NRG3: variants seen among roughly 807,000 people sequenced by gnomAD.
NRG3 encodes neuregulin 3.
Under a neutral mutation model 66.9 loss-of-function variants are expected in NRG3, and 31 were observed. The ratio of observed to expected loss-of-function variants is 0.46; its 90% CI spans 0.35 to 0.63. The LOEUF (loss-of-function observed/expected upper bound fraction) is 0.63. Among genes scored for constraint, NRG3 ranks in the 20% least tolerant of loss-of-function variants. The pLI is 0.00. For missense variants in NRG3, 910 were observed against 878.9 expected, an observed-to-expected ratio of 1.04 and a Z score of -0.45; for synonymous variants, 393 against 359.4, an observed-to-expected ratio of 1.09 and a Z score of -1.06.
chr10:82,847,968 T>G (rs941385315), intron 3 of NRG3, among the ~76,000 whole-genome samples: 2 of 152,198 alleles, frequency 1.3e-5, no homozygotes, highest in Admixed American at 6.5e-5. Context: ...TTGCGAGATA[T>G]CAGAGAAACA....
intron 1 of NRG3, among the ~76,000 whole-genome samples, chr10:82,110,705 AAC>A (rs2067334772): frequency 6.6e-6 from 1 of 152,076 alleles, no homozygotes; most frequent in East Asian, 1.9e-4. Context: ...CTCCAGGGAG[AAC>A]AGTGTGGGGA....
At chr10:82,745,698 A>G (rs1274496320) in intron 3 of NRG3, among the ~76,000 whole-genome samples, 1 of 152,126 alleles carries the variant, frequency 6.6e-6, no homozygotes, top group Non-Finnish European at 1.5e-5. Flanking sequence ...TTTAAATTAT[A>G]TAGACACCAA....
intron 4 of NRG3, among the ~76,000 whole-genome samples, chr10:82,950,225 A>G (rs1344102447): frequency 6.6e-6 from 1 of 152,178 alleles, no homozygotes; most frequent in African/African-American, 2.4e-5. Context: ...ATGTATATAG[A>G]TGCAATTAAT....
At chr10:82,964,344 T>C (rs1850988028) in intron 6 of NRG3, among the ~76,000 whole-genome samples, 1 of 152,154 alleles carries the variant, frequency 6.6e-6, no homozygotes, top group Non-Finnish European at 1.5e-5. Context: ...GGGGAGTTCA[T>C]ATCAGACCAA....
intron 3 of NRG3, among the ~76,000 whole-genome samples, chr10:82,829,324 A>T (rs756197523): frequency 4.6e-5 from 7 of 151,318 alleles, no homozygotes; most frequent in Admixed American, 4.6e-4. Context: ...ATTTTAAAGA[A>T]TAATTGAACT....
At chr10:82,352,258 A>C (rs370637505) in intron 1 of NRG3, among the ~76,000 whole-genome samples, 6 of 152,204 alleles carry the variant, frequency 3.9e-5, no homozygotes, top group African/African-American at 1.4e-4. Flanking sequence ...ATCTTCCAGA[A>C]GCATACGGTT....
At chr10:82,143,952 C>G (rs1219522023) in intron 1 of NRG3, among the ~76,000 whole-genome samples, 2 of 151,022 alleles carry the variant, frequency 1.3e-5, no homozygotes, top group Non-Finnish European at 2.9e-5. Context: ...ATCGCTGGAG[C>G]CTGGGAGGTC....
At chr10:82,327,659 A>G (rs2081944318) in intron 1 of NRG3, among the ~76,000 whole-genome samples, 1 of 152,166 alleles carries the variant, frequency 6.6e-6, no homozygotes, top group Admixed American at 6.5e-5. Context: ...TGTTCACATG[A>G]TGCCTGAAAT....
chr10:82,647,932 A>C (rs965051028), intron 2 of NRG3, among the ~76,000 whole-genome samples: 1 of 146,282 alleles, frequency 6.8e-6, no homozygotes, highest in African/African-American at 2.5e-5. Context: ...AGGTTGCGAA[A>C]ATTTTCTCCC....
At chr10:82,589,699 G>T (rs966548032) in intron 2 of NRG3, among the ~76,000 whole-genome samples, 1 of 152,106 alleles carries the variant, frequency 6.6e-6, no homozygotes, top group Non-Finnish European at 1.5e-5. Context: ...CACAAGCTTA[G>T]AATACAATGA....
rs1321063806 is a variant in NRG3 at position 82,333,539 on chromosome 10, A to G, written c.824-25200A>G. On this transcript the variant is annotated intron_variant, in intron 1 of 8. Transcript: ENST00000372141. ...CAAAACTCTGTATTCATCATTTTCT[A>G]TAGACATTTTTCCTTGTAGTATGTC... Among the ~76,000 whole-genome samples the G allele has an allele frequency of 3.3e-5, 5 of 152,232 alleles. No individual in the cohort carries two copies. The South Asian group carries it at 8.3e-4, about 25-fold the overall frequency.
At chr10:82,773,011 C>T (rs138175022) in intron 3 of NRG3, among the ~76,000 whole-genome samples, 2,061 of 152,056 alleles carry the variant, frequency 0.014, 46 homozygotes, top group African/African-American at 0.047. Flanking sequence ...AGCCTGTTTC[C>T]GTATCTTGGC....
intron 1 of NRG3, among the ~76,000 whole-genome samples, chr10:82,210,453 T>C (rs1378230295): frequency 2.6e-5 from 4 of 152,084 alleles, no homozygotes; most frequent in African/African-American, 9.7e-5. Context: ...GACCACCATA[T>C]TGGGAGGAAG....
intron 4 of NRG3, among the ~76,000 whole-genome samples, chr10:82,897,363 T>C (rs1843753101): frequency 6.6e-6 from 1 of 152,174 alleles, no homozygotes; most frequent in South Asian, 2.1e-4. Context: ...AGATGAAAGG[T>C]AAAATACATT....
At chr10:82,489,088 T>G (rs1488033173) in intron 2 of NRG3, among the ~76,000 whole-genome samples, 1 of 152,158 alleles carries the variant, frequency 6.6e-6, no homozygotes, top group African/African-American at 2.4e-5. Context: ...AGACTAGTAT[T>G]GTAAACCACA....
intron 1 of NRG3, among the ~76,000 whole-genome samples, chr10:82,074,558 G>C (rs2064988052): frequency 6.6e-6 from 1 of 152,154 alleles, no homozygotes; most frequent in Non-Finnish European, 1.5e-5. Flanking sequence ...AAAGATAAGA[G>C]TGCCTTGGAG....
At chr10:82,647,340 T>G (rs2051025029) in intron 2 of NRG3, among the ~76,000 whole-genome samples, 1 of 152,218 alleles carries the variant, frequency 6.6e-6, no homozygotes, top group South Asian at 2.1e-4. Context: ...GAACTCATCC[T>G]TTTTTATGGC....
chr10:82,218,672 C>G (rs1214087111), intron 1 of NRG3, among the ~76,000 whole-genome samples: 1 of 152,096 alleles, frequency 6.6e-6, no homozygotes, highest in Non-Finnish European at 1.5e-5. Context: ...TCATGATCTC[C>G]CCACATATCT....
intron 1 of NRG3, among the ~76,000 whole-genome samples, chr10:82,019,343 T>A (rs2061945920): frequency 6.6e-6 from 1 of 152,216 alleles, no homozygotes; most frequent in South Asian, 2.1e-4. Flanking sequence ...TTTGCCAGTA[T>A]TTTATTGAGG....
Sources: allele counts gnomAD v4.1 joint callset (sites outside exome capture counted in the v4.1 genomes callset), GRCh38; gene constraint gnomAD v4.1.1; transcripts MANE v1.5; gene names NCBI Gene and HGNC (gene_info 2026-07-23, HGNC 2026-07-21).